Variants in ZPBP observed in about 807,000 individuals in gnomAD.
The protein encoded by ZPBP is zona pellucida-binding protein 1.
A neutral mutation model predicts 44.8 loss-of-function variants in ZPBP; 26 were observed. That is an observed-to-expected ratio of 0.58 (90% CI 0.43 to 0.81). The LOEUF (loss-of-function observed/expected upper bound fraction) is 0.81, where lower values mean the gene tolerates loss of function less well. ZPBP is among the 30% of genes least tolerant of loss of function. The pLI is 0.00. For missense variants in ZPBP, 409 were observed against 434.0 expected (o/e 0.94, Z 0.51); for synonymous variants, 174 against 153.2 (o/e 1.14, Z -1.00).
chr7:49,951,860 A>G (rs181194550), intron 7 of ZPBP, among the ~76,000 whole-genome samples: 2 of 151,994 alleles, frequency 1.3e-5, no homozygotes, highest in Admixed American at 6.6e-5. Flanking sequence ...AATTGTATAT[A>G]TATATAAAAT....
intron 2 of ZPBP, among the ~76,000 whole-genome samples, chr7:49,866,986 A>C (rs1790919029): frequency 6.6e-6 from 1 of 152,248 alleles, no homozygotes; most frequent in Admixed American, 6.5e-5. Context: ...AAGCAAAATC[A>C]TAAGTGAAAC....
At chr7:49,952,170 C>T (rs1795371447) in intron 7 of ZPBP, among the ~76,000 whole-genome samples, 1 of 151,680 alleles carries the variant, frequency 6.6e-6, no homozygotes, top group Non-Finnish European at 1.5e-5. Flanking sequence ...TGTGATTGTA[C>T]TAAATGCTAT....
intron 7 of ZPBP, among the ~76,000 whole-genome samples, chr7:49,982,255 T>C (rs1324412489): frequency 9.3e-6 from 1 of 107,220 alleles, no homozygotes; most frequent in Non-Finnish European, 1.8e-5. Flanking sequence ...ATTATATATT[T>C]ATATTATATA....
At chr7:49,992,108 G>A (rs1488075064) in intron 6 of ZPBP, among the ~76,000 whole-genome samples, 1 of 152,110 alleles carries the variant, frequency 6.6e-6, no homozygotes, top group Non-Finnish European at 1.5e-5. Context: ...GGTGGTAGAG[G>A]CAGGGAGGGT....
intron 1 of ZPBP, among the ~76,000 whole-genome samples, chr7:49,931,984 C>T (rs1295305701): frequency 1.3e-5 from 2 of 152,228 alleles, no homozygotes; most frequent in African/African-American, 4.8e-5. Flanking sequence ...TGTAAATTTA[C>T]ATGTGGTATT....
intron 7 of ZPBP, among the ~76,000 whole-genome samples, chr7:49,965,336 A>C (rs535234141): frequency 6.6e-6 from 1 of 152,092 alleles, no homozygotes; most frequent in Middle Eastern, 3.2e-3. Flanking sequence ...TCAAAGTGAA[A>C]AGACAGAGGA....
At chr7:49,929,855 T>C (rs1794387411) in intron 1 of ZPBP, among the ~76,000 whole-genome samples, 2 of 152,180 alleles carry the variant, frequency 1.3e-5, no homozygotes, top group South Asian at 4.1e-4. Flanking sequence ...GAAGGGTGTG[T>C]ATCAACGCAC....
At chr7:49,879,741 G>C in intron 2 of ZPBP, among the ~76,000 whole-genome samples, 2 of 150,216 alleles carry the variant, frequency 1.3e-5, no homozygotes, top group East Asian at 3.9e-4. Flanking sequence ...TCTTTCCATG[G>C]TTATTTTTTT....
chr7:50,054,769 C>G (rs1427157487), intron 4 of ZPBP, among the ~76,000 whole-genome samples: 10 of 151,884 alleles, frequency 6.6e-5, no homozygotes, highest in Non-Finnish European at 1.5e-5. Context: ...GATTAATAAG[C>G]TAAGAACAAA....
intron 5 of ZPBP, among the ~76,000 whole-genome samples, chr7:50,022,677 T>G (rs537283064): frequency 6.6e-6 from 1 of 152,166 alleles, no homozygotes; most frequent in South Asian, 2.1e-4. Flanking sequence ...CAGGCCTGTA[T>G]CAACAACAAA....
At chr7:49,918,955 C>G (rs1212136655) in intron 1 of ZPBP, 3 of 151,774 alleles carry the variant, frequency 2.0e-5, no homozygotes. Flanking sequence ...ACTCGGGAGG[C>G]TGAGGCAGGA....
At chr7:49,845,178 GGGTTTAATACCTA>G in the ZPBP span, among the ~76,000 whole-genome samples, 11 of 152,060 alleles carry the variant, frequency 7.2e-5, no homozygotes, top group African/African-American at 2.4e-4. Context: ...AATGGAGCCT[GGGTTTAATACCTA>G]GGTGATGGGT....
intron 1 of ZPBP, among the ~76,000 whole-genome samples, chr7:50,090,066 T>C (rs1444713773): frequency 2.0e-5 from 3 of 152,160 alleles, no homozygotes; most frequent in African/African-American, 4.8e-5. Context: ...ACCAGCACCT[T>C]TTTAATAACA....
At chr7:50,026,136 CAG>C (rs1405571797) in intron 5 of ZPBP, among the ~76,000 whole-genome samples, 1 of 151,788 alleles carries the variant, frequency 6.6e-6, no homozygotes, top group Non-Finnish European at 1.5e-5. Context: ...AAAATATAAA[CAG>C]ATCTCTACAC....
intron 1 of ZPBP, among the ~76,000 whole-genome samples, chr7:49,907,667 A>G (rs1532990): frequency 0.029 from 4,371 of 152,328 alleles, 234 homozygotes; most frequent in African/African-American, 0.1. Context: ...AACATAAGAC[A>G]TCAATCAATA....
the ZPBP span, among the ~76,000 whole-genome samples, chr7:49,843,860 G>A: frequency 1.3e-5 from 2 of 152,162 alleles, no homozygotes; most frequent in African/African-American, 4.8e-5. Context: ...TGCAGAGGAT[G>A]AATGGAAAAA....
chr7:49,847,549 T>A (rs1472766463), downstream of ZPBP, among the ~76,000 whole-genome samples: 1 of 152,102 alleles, frequency 6.6e-6, no homozygotes, highest in African/African-American at 2.4e-5. Context: ...CATGAGATGA[T>A]CATCATTGTT....
At chr7:50,080,434 A>G (rs746322956) in intron 3 of ZPBP, among the ~76,000 whole-genome samples, 122 of 151,824 alleles carry the variant, frequency 8.0e-4, no homozygotes, top group African/African-American at 9.6e-4. Flanking sequence ...GAGTAAAATA[A>G]ATATTGCTCC....
chr7:49,880,930 T>G (rs1448392516), intron 2 of ZPBP, among the ~76,000 whole-genome samples: 1 of 152,192 alleles, frequency 6.6e-6, no homozygotes, highest in Admixed American at 6.5e-5. Context: ...GGTGGCATGA[T>G]GTAATCATCA....
Sources: allele counts gnomAD v4.1 joint callset (sites outside exome capture counted in the v4.1 genomes callset), GRCh38; gene constraint gnomAD v4.1.1; transcripts MANE v1.5; gene names NCBI Gene and HGNC (gene_info 2026-07-23, HGNC 2026-07-21).